Variants in HDGFL3 observed in about 807,000 individuals in gnomAD.
The protein encoded by HDGFL3 is hepatoma-derived growth factor-related protein 3.
HDGFL3 carries 6 observed loss-of-function variants against 27.6 expected under a neutral mutation model. That is an observed-to-expected ratio of 0.22 (90% CI 0.12 to 0.43). The LOEUF (loss-of-function observed/expected upper bound fraction) is 0.43. Among genes scored for constraint, HDGFL3 ranks in the 20% least tolerant of loss-of-function variants. HDGFL3 has a pLI of 1.00. For synonymous variants in HDGFL3, 88 were observed against 88.9 expected, an observed-to-expected ratio of 0.99 and a Z score of 0.05; for missense variants, 207 against 250.1, an observed-to-expected ratio of 0.83 and a Z score of 1.16.
At chr15:83,194,360 T>G (rs2037545727) in intron 1 of HDGFL3, among the ~76,000 whole-genome samples, 2 of 152,212 alleles carry the variant, frequency 1.3e-5, no homozygotes, top group South Asian at 4.1e-4. Flanking sequence ...AGCCCACTCA[T>G]AGAGACACAA....
At chr15:83,187,767 A>AATCCCAGCT (rs1257559343) in intron 1 of HDGFL3, among the ~76,000 whole-genome samples, 1 of 152,146 alleles carries the variant, frequency 6.6e-6, no homozygotes, top group Non-Finnish European at 1.5e-5. Flanking sequence ...ACATGCCTGT[A>AATCCCAGCT]ATCCCAGCTA....
intron 3 of HDGFL3, among the ~76,000 whole-genome samples, chr15:83,121,403 T>C (rs544650294): frequency 6.6e-6 from 1 of 152,274 alleles, no homozygotes; most frequent in Admixed American, 6.5e-5. Context: ...TTTGTCAGCA[T>C]TGAAGATTTG....
downstream of HDGFL3, chr15:83,127,545 ACTT>A: frequency 6.4e-7 from 1 of 1,572,408 alleles, no homozygotes; most frequent in Non-Finnish European, 8.7e-7. Flanking sequence ...TATATGAAAA[ACTT>A]CTCTGCTCAG....
intron 3 of HDGFL3, among the ~76,000 whole-genome samples, chr15:83,120,712 C>G (rs748179138): frequency 6.6e-6 from 1 of 151,244 alleles, no homozygotes; most frequent in Non-Finnish European, 1.5e-5. Flanking sequence ...GCGTGTGTCA[C>G]TATACCCGCA....
At chr15:83,183,753 A>C (rs944255417) in intron 1 of HDGFL3, among the ~76,000 whole-genome samples, 1 of 138,848 alleles carries the variant, frequency 7.2e-6, no homozygotes, top group African/African-American at 3.0e-5. Context: ...GTGAGACTCC[A>C]TCTCAAAAAA....
At position 83,136,667 on chromosome 15, in the gene HDGFL3, G is replaced by A. The variant is rs776689428; in HGVS notation, c.*2603C>T. The A allele has an allele frequency of 1.4e-5, 22 of 1,591,202 alleles. No individual in the cohort carries two copies. Among genetic ancestry groups the A allele is most frequent in the Non-Finnish European group, 6.0e-6 (7 of 1,173,808 alleles). On this transcript the variant is annotated 3_prime_UTR_variant, in exon 6 of 6. Coordinates refer to ENST00000299633, the MANE Select transcript of HDGFL3 (RefSeq NM_016073.4). ...AAAAACAAAGGCAGAAGAAAAAGTG[G>A]AATAAAAATATTACTTCATGTTCCT...
intron 5 of HDGFL3, among the ~76,000 whole-genome samples, chr15:83,150,854 C>T (rs1156552305): frequency 6.6e-6 from 1 of 152,168 alleles, no homozygotes; most frequent in Non-Finnish European, 1.5e-5. Context: ...GTATGTAATA[C>T]TCTATTTTGA....
intron 5 of HDGFL3, among the ~76,000 whole-genome samples, chr15:83,141,569 GAC>G (rs916586339): frequency 3.9e-5 from 6 of 152,120 alleles, no homozygotes; most frequent in Admixed American, 3.9e-4. Context: ...CTCCATGACT[GAC>G]AGTTTTCCAA....
At chr15:83,169,111 C>CATATCT in intron 1 of HDGFL3, 1 of 295,138 alleles carries the variant, frequency 3.4e-6, no homozygotes, top group South Asian at 3.0e-5. Context: ...ATTGAAGGAA[C>CATATCT]ATATCTCAAA....
At chr15:83,160,555 G>A (rs966039282) in intron 2 of HDGFL3, among the ~76,000 whole-genome samples, 1 of 133,030 alleles carries the variant, frequency 7.5e-6, no homozygotes, top group Non-Finnish European at 1.6e-5. Flanking sequence ...TTTGGGGGGG[G>A]AACAATATTT....
At chr15:83,175,332 CTT>C (rs1202868878) in intron 1 of HDGFL3, among the ~76,000 whole-genome samples, 1 of 152,102 alleles carries the variant, frequency 6.6e-6, no homozygotes, top group African/African-American at 2.4e-5. Flanking sequence ...TTTTATGAGT[CTT>C]GTTTTTAACT....
chr15:83,185,028 A>G (rs2037424829), intron 1 of HDGFL3: 2 of 151,990 alleles, frequency 1.3e-5, no homozygotes, highest in Non-Finnish European at 2.9e-5. Flanking sequence ...CCTTTTTTTA[A>G]ATTTTTATTT....
At position 83,138,325 on chromosome 15, in the gene HDGFL3, A is replaced by C. The variant is rs2036696628; in HGVS notation, c.*945T>G. 6.6e-6 allele frequency: 1 copy of C among 152,574 alleles called. No homozygotes were observed. The highest frequency in any genetic ancestry group is 1.5e-5 in the Non-Finnish European group (1 of 68,014). 9.5% of individuals were successfully genotyped at this position (152,574 alleles called of 1,614,324 possible). A position where few individuals can be genotyped will look rare whatever the true frequency, so the allele number is the denominator to read the frequency against. ...GGATTGATAAAACCCAAACTGACTAAATGTGTTCTCACAATATAAGCTGGC... is the reference window on the plus strand; with the variant it reads ...GGATTGATAAAACCCAAACTGACTACATGTGTTCTCACAATATAAGCTGGC... On this transcript the variant is annotated 3_prime_UTR_variant, in exon 6 of 6. Coordinates refer to ENST00000299633, the MANE Select transcript of HDGFL3 (RefSeq NM_016073.4).
chr15:83,131,867 T>A lies in HDGFL3; in HGVS notation c.*7403A>T, dbSNP rs2036277379. ...CATAGGATTAAAGCTGCAAGTGTAA[T>A]CTGAAAGGCATTATAGGCTGCTTAG... On this transcript the variant is annotated 3_prime_UTR_variant, in exon 6 of 6. Coordinates refer to ENST00000299633, the MANE Select transcript of HDGFL3 (RefSeq NM_016073.4). 1 of 152,320 alleles carries A rather than the reference T, an allele frequency of 6.6e-6. No individual in the cohort carries two copies. Among genetic ancestry groups the A allele is most frequent in the East Asian group, 1.9e-4 (1 of 5,188 alleles). The allele number at this position is 152,320 out of a possible 1,614,324, so 9.4% of individuals were successfully genotyped here.
rs2036567132 is a variant in HDGFL3 at position 83,135,762 on chromosome 15, A to G, written c.*3508T>C. The stretch of plus-strand genomic sequence containing the variant: ...CATGTCGTACTTCTAAATAAATTAT[A>G]ATTTGATTTAAAAAGGTTGCCTGCA... On this transcript the variant is annotated 3_prime_UTR_variant, in exon 6 of 6. Transcript: ENST00000299633. 6.6e-6 allele frequency: 1 copy of G among 152,224 alleles called. No homozygotes were observed. The highest frequency in any genetic ancestry group is 1.5e-5 in the Non-Finnish European group (1 of 68,040). The allele number at this position is 152,224 out of a possible 1,614,324, so 9.4% of individuals were successfully genotyped here.
intron 1 of HDGFL3, among the ~76,000 whole-genome samples, chr15:83,182,232 T>C (rs2037390399): frequency 6.6e-6 from 1 of 152,194 alleles, no homozygotes; most frequent in Admixed American, 6.5e-5. Flanking sequence ...TAATGCTTTA[T>C]GTATTTACTT....
chr15:83,129,363 G>A lies in HDGFL3; in HGVS notation c.*9907C>T, dbSNP rs2036042786. On this transcript the variant is annotated 3_prime_UTR_variant, in exon 6 of 6. Transcript: ENST00000299633. ...TTCTTTTTTATGCAAAGATCATGTG[G>A]GATATTTTCAAGGTCCAGGCCTGGC... 1 of 152,114 alleles carries A rather than the reference G, an allele frequency of 6.6e-6. No homozygotes were observed. The highest frequency in any genetic ancestry group is 2.1e-4 in the South Asian group (1 of 4,830). The allele number at this position is 152,114 out of a possible 1,614,324, so 9.4% of individuals were successfully genotyped here. A position where few individuals can be genotyped will look rare whatever the true frequency, so the allele number is the denominator to read the frequency against.
Position 83,134,130 on chromosome 15 carries a change from G to A in HDGFL3, c.*5140C>T, listed in dbSNP as rs999529891. On this transcript the variant is annotated 3_prime_UTR_variant, in exon 6 of 6. Transcript: ENST00000299633. ...AGTCACAAGTCCATTGTTGTTGAAC[G>A]TTTATTGAGCTCTAACAATGTGACA... 1.3e-5 allele frequency: 2 copies of A among 152,044 alleles called. No homozygotes were observed. The highest frequency in any genetic ancestry group is 2.9e-5 in the Non-Finnish European group (2 of 68,006). The allele number at this position is 152,044 out of a possible 1,614,324, so 9.4% of individuals were successfully genotyped here.
Position 83,136,634 on chromosome 15 carries a change from T to G in HDGFL3, c.*2636A>C. 1 of 1,603,572 alleles carries G rather than the reference T, an allele frequency of 6.2e-7. No homozygotes were observed. Among genetic ancestry groups the G allele is most frequent in the Non-Finnish European group, 8.5e-7 (1 of 1,177,394 alleles). On this transcript the variant is annotated 3_prime_UTR_variant, in exon 6 of 6. Transcript: ENST00000299633. Reference sequence around the variant, plus strand: ...CTATCGTTGTATCTACAAACCAGAGTTCTTCATAAAAACAAAGGCAGAAGA... The same window carrying G: ...CTATCGTTGTATCTACAAACCAGAGGTCTTCATAAAAACAAAGGCAGAAGA...
Sources: allele counts gnomAD v4.1 joint callset (sites outside exome capture counted in the v4.1 genomes callset), GRCh38; gene constraint gnomAD v4.1.1; transcripts MANE v1.5; gene names NCBI Gene and HGNC (gene_info 2026-07-23, HGNC 2026-07-21).